Variants in FSHR observed in about 807,000 individuals in gnomAD.
FSHR encodes follicle stimulating hormone receptor.
FSHR carries 46 observed loss-of-function variants against 52.1 expected under a neutral mutation model. The ratio of observed to expected loss-of-function variants is 0.88; its 90% CI spans 0.70 to 1.13. The LOEUF is 1.13. Ranked by LOEUF, FSHR falls within the 50% of genes most tolerant of loss-of-function variation. The pLI is 0.00. For missense variants in FSHR, 964 were observed against 834.6 expected (o/e 1.16, Z -1.91); for synonymous variants, 399 against 309.6 (o/e 1.29, Z -3.03).
At chr2:49,128,373 A>G (rs1396043089) in intron 1 of FSHR, among the ~76,000 whole-genome samples, 1 of 152,202 alleles carries the variant, frequency 6.6e-6, no homozygotes, top group Non-Finnish European at 1.5e-5. Context: ...TACTGAGAAA[A>G]AAGCTTGAAA....
At chr2:49,099,942 T>C (rs1399689701) in intron 1 of FSHR, among the ~76,000 whole-genome samples, 2 of 152,144 alleles carry the variant, frequency 1.3e-5, no homozygotes, top group Non-Finnish European at 2.9e-5. Flanking sequence ...TAATATAATG[T>C]ATAATGAGCA....
intron 4 of FSHR, among the ~76,000 whole-genome samples, chr2:48,992,261 C>T (rs1308701426): frequency 6.6e-6 from 1 of 152,140 alleles, no homozygotes; most frequent in African/African-American, 2.4e-5. Flanking sequence ...AGCTACGTAA[C>T]CACGAGCACA....
chr2:49,111,277 T>C (rs1671413378), intron 1 of FSHR, among the ~76,000 whole-genome samples: 1 of 152,182 alleles, frequency 6.6e-6, no homozygotes, highest in African/African-American at 2.4e-5. Flanking sequence ...TCCTGAGCTC[T>C]TTTTTGGCCT....
chr2:49,006,167 T>C (rs1203022626), intron 4 of FSHR, among the ~76,000 whole-genome samples: 1 of 152,116 alleles, frequency 6.6e-6, no homozygotes, highest in Non-Finnish European at 1.5e-5. Flanking sequence ...TTAATACTAC[T>C]AAATAAACTC....
At chr2:48,986,379 C>T (rs1573049211) in intron 6 of FSHR, among the ~76,000 whole-genome samples, 2 of 146,112 alleles carry the variant, frequency 1.4e-5, no homozygotes, top group Non-Finnish European at 3.0e-5. Flanking sequence ...CAGTCATCAG[C>T]GCCATTTGCC....
At chr2:49,027,808 C>T (rs1000337460) in intron 2 of FSHR, among the ~76,000 whole-genome samples, 31 of 136,320 alleles carry the variant, frequency 2.3e-4, no homozygotes, top group Admixed American at 2.5e-4. Context: ...TGAGATTGTG[C>T]GGCTGCACTC....
In FSHR at chr2:49,005,254, C is replaced by G. The variant is rs576094198; in HGVS notation, c.374+12235G>C. ...CCACCTTTACAATCAAGAGGTGGTC[C>G]TTGCCTCCCTGGAGATGACCGGCTT... On this transcript the variant is annotated intron_variant, in intron 4 of 9. Transcript: ENST00000406846. Among the ~76,000 whole-genome samples the G allele has an allele frequency of 2.6e-5, 4 of 152,208 alleles. No individual in the cohort carries two copies. The South Asian group carries it at 8.3e-4, about 32-fold the overall frequency.
chr2:49,132,591 T>G (rs780536579), intron 1 of FSHR, among the ~76,000 whole-genome samples: 22 of 152,166 alleles, frequency 1.4e-4, no homozygotes, highest in Non-Finnish European at 2.8e-4. Context: ...ACACTAATAA[T>G]GCACATGGGA....
chr2:48,962,655 G>T lies in FSHR; in HGVS notation c.*78C>A. 1 of 1,409,238 alleles carries T rather than the reference G, an allele frequency of 7.1e-7. No homozygotes were observed. The highest frequency in any genetic ancestry group is 1.0e-6 in the Non-Finnish European group (1 of 997,568). The allele number at this position is 1,409,238 out of a possible 1,614,324, so 87.3% of individuals were successfully genotyped here. ...ATTAGATGAAATGTGTAGAAGCACT[G>T]TCAGCTCTTTGTGACATACCCTTCA... On this transcript the variant is annotated 3_prime_UTR_variant, in exon 10 of 10. Coordinates refer to ENST00000406846, the MANE Select transcript of FSHR (RefSeq NM_000145.4).
chr2:49,090,421 G>A (rs993866151), intron 1 of FSHR, among the ~76,000 whole-genome samples: 2 of 152,134 alleles, frequency 1.3e-5, no homozygotes, highest in East Asian at 1.9e-4. Context: ...AGATTCATCT[G>A]TTTAGTTGTA....
At chr2:49,070,084 A>G (rs1669673053) in intron 1 of FSHR, among the ~76,000 whole-genome samples, 1 of 152,166 alleles carries the variant, frequency 6.6e-6, no homozygotes, top group Non-Finnish European at 1.5e-5. Context: ...GCCCTGGAGC[A>G]GTTTATATAC....
chr2:49,099,238 TG>T (rs1369278788), intron 1 of FSHR, among the ~76,000 whole-genome samples: 2 of 152,116 alleles, frequency 1.3e-5, no homozygotes, highest in East Asian at 3.9e-4. Context: ...AATTGAATCA[TG>T]GGGGTGGTTT....
chr2:49,034,713 G>A (rs1437615372), intron 2 of FSHR, among the ~76,000 whole-genome samples: 2 of 152,064 alleles, frequency 1.3e-5, no homozygotes, highest in East Asian at 1.9e-4. Context: ...ACGATACTGC[G>A]ATTCCCTGCC....
intron 1 of FSHR, among the ~76,000 whole-genome samples, chr2:49,089,172 C>G (rs927414141): frequency 6.6e-6 from 1 of 151,002 alleles, no homozygotes; most frequent in African/African-American, 2.5e-5. Flanking sequence ...GTGGTGATAA[C>G]CGGATTATAT....
intron 1 of FSHR, among the ~76,000 whole-genome samples, chr2:49,119,275 G>A (rs1671714232): frequency 6.6e-6 from 1 of 152,144 alleles, no homozygotes; most frequent in Non-Finnish European, 1.5e-5. Context: ...TTGTTACTGT[G>A]CTTGTGAGTG....
At chr2:49,053,122 A>AT (rs1438761430) in intron 2 of FSHR, among the ~76,000 whole-genome samples, 3 of 152,110 alleles carry the variant, frequency 2.0e-5, no homozygotes, top group African/African-American at 7.2e-5. Flanking sequence ...ACTTGATTAT[A>AT]TTTTTTGTCC....
chr2:49,076,050 C>T (rs187845808), intron 1 of FSHR, among the ~76,000 whole-genome samples: 2 of 152,130 alleles, frequency 1.3e-5, no homozygotes, highest in African/African-American at 4.8e-5. Flanking sequence ...TAATTATTAA[C>T]AAATTGTGTT....
Position 49,149,535 on chromosome 2 carries a change from TAC to T in FSHR, c.152+4729_152+4730del, listed in dbSNP as rs1558468862. Among the ~76,000 whole-genome samples, 4 of 152,084 alleles carry T rather than the reference TAC, an allele frequency of 2.6e-5. No homozygotes were observed. The East Asian group carries it at 7.7e-4, about 29-fold the overall frequency. On this transcript the variant is annotated intron_variant, in intron 1 of 9. Transcript: ENST00000406846. Reference sequence around the variant, plus strand: ...CTCTGTGGAATGTTAATCCTCAGAATACTCTTAGAAAAGTGGCTCAGTTTGCA... The same window carrying T: ...CTCTGTGGAATGTTAATCCTCAGAATTCTTAGAAAAGTGGCTCAGTTTGCA...
At chr2:49,016,950 G>A (rs1031316589) in intron 4 of FSHR, among the ~76,000 whole-genome samples, 8 of 152,184 alleles carry the variant, frequency 5.3e-5, no homozygotes, top group African/African-American at 1.9e-4. Flanking sequence ...CAGCTAATCC[G>A]AAAGCCATTT....
Sources: gnomAD v4.1 joint callset for allele counts (sites outside exome capture counted in the v4.1 genomes callset) on GRCh38, gnomAD v4.1.1 for gene constraint, MANE v1.5 for transcripts, NCBI Gene and HGNC (gene_info 2026-07-23, HGNC 2026-07-21) for gene names.